Variants in PLAC1 observed in about 807,000 individuals in gnomAD.
PLAC1 encodes the protein placenta-specific protein 1.
For synonymous variants in PLAC1, 68 were observed against 62.1 expected (o/e 1.09, Z -0.44); for missense variants, 136 against 163.2 (o/e 0.83, Z 0.91).
intron 2 of PLAC1, among the ~76,000 whole-genome samples, chrX:134,584,514 C>T (rs2077990146): frequency 9.0e-6 from 1 of 110,781 alleles, no homozygotes; most frequent in Admixed American, 9.6e-5. Context: ...TGGATAAACA[C>T]GAGCATTGAA....
chrX:134,638,324 A>G (rs949067907), intron 1 of PLAC1, among the ~76,000 whole-genome samples: 1 of 112,247 alleles, frequency 8.9e-6, no homozygotes, highest in Non-Finnish European at 1.9e-5. Flanking sequence ...AAGACTTGCC[A>G]TTTAGACTAA....
intron 1 of PLAC1, among the ~76,000 whole-genome samples, chrX:134,648,458 G>T (rs951203193): frequency 8.9e-6 from 1 of 112,094 alleles, no homozygotes; most frequent in Non-Finnish European, 1.9e-5. Context: ...GGCCGAGGTG[G>T]GTGGATCACT....
At chrX:134,748,138 C>T (rs376228774) in intron 1 of PLAC1, among the ~76,000 whole-genome samples, 7 of 110,699 alleles carry the variant, frequency 6.3e-5, no homozygotes, top group Admixed American at 1.9e-4. Flanking sequence ...GAGACCAGCC[C>T]GGCCAACATG....
chrX:134,752,853 C>A (rs953055149), intron 1 of PLAC1, among the ~76,000 whole-genome samples: 6 of 111,174 alleles, frequency 5.4e-5, no homozygotes, highest in Admixed American at 4.8e-4. Flanking sequence ...AGTTATTTCA[C>A]AGTGATTTGT....
chrX:134,609,610 A>T (rs2078142584), intron 1 of PLAC1, among the ~76,000 whole-genome samples: 1 of 112,326 alleles, frequency 8.9e-6, no homozygotes, highest in African/African-American at 3.2e-5. Flanking sequence ...CCATAGCAAA[A>T]ATATATACAA....
intron 2 of PLAC1, among the ~76,000 whole-genome samples, chrX:134,587,495 C>T (rs971453964): frequency 3.6e-5 from 4 of 110,725 alleles, no homozygotes; most frequent in African/African-American, 9.9e-5. Flanking sequence ...CTGGGAGGAT[C>T]GCTTGAGCCT....
At chrX:134,615,176 C>T (rs981537256) in intron 1 of PLAC1, among the ~76,000 whole-genome samples, 1 of 112,181 alleles carries the variant, frequency 8.9e-6, no homozygotes, top group African/African-American at 3.2e-5. Context: ...TGGCTTTACT[C>T]ATTTACATTC....
At position 134,641,696 on chromosome X, in the gene PLAC1, G is replaced by A. The variant is rs144469227; in HGVS notation, c.-131+16632C>T. Among the ~76,000 whole-genome samples the A allele has an allele frequency of 4.0e-3, 445 of 111,801 alleles. 1 individual carries two copies. Among genetic ancestry groups the A allele is most frequent in the African/African-American group, 0.014 (431 of 30,729 alleles). Reference sequence around the variant, plus strand: ...GGCAGGAGCCAGCCCTGATGCTGATGGTGTTCCATGATTTGGGTATGCCTC... The same window carrying A: ...GGCAGGAGCCAGCCCTGATGCTGATAGTGTTCCATGATTTGGGTATGCCTC... On this transcript the variant is annotated intron_variant, in intron 1 of 2. Coordinates refer to ENST00000359237, the MANE Select transcript of PLAC1 (RefSeq NM_021796.4).
upstream of PLAC1, among the ~76,000 whole-genome samples, chrX:134,663,429 GAT>G (rs1491321310): frequency 1.3e-4 from 8 of 63,659 alleles, no homozygotes; most frequent in African/African-American, 3.9e-4. Flanking sequence ...TTAAAATAAA[GAT>G]ATGTGTGTGT....
At chrX:134,577,532 T>C (rs997911400) in intron 2 of PLAC1, among the ~76,000 whole-genome samples, 1 of 111,373 alleles carries the variant, frequency 9.0e-6, no homozygotes, top group African/African-American at 3.3e-5. Context: ...CCACTAAAAA[T>C]GCAAAAATTA....
chrX:134,657,553 A>C (rs186575403), intron 1 of PLAC1, among the ~76,000 whole-genome samples: 66 of 112,272 alleles, frequency 5.9e-4, no homozygotes, highest in South Asian at 1.5e-3. Flanking sequence ...TATTGATAGA[A>C]AGAAGGACAA....
chrX:134,620,277 CCAACT>C (rs1422816997), intron 1 of PLAC1, among the ~76,000 whole-genome samples: 1 of 112,383 alleles, frequency 8.9e-6, no homozygotes, highest in Non-Finnish European at 1.9e-5. Context: ...TAGTTCCTTG[CCAACT>C]AGAGGTCCCA....
At chrX:134,763,344 CT>C (rs2078775496) in intron 1 of PLAC1, among the ~76,000 whole-genome samples, 1 of 112,135 alleles carries the variant, frequency 8.9e-6, no homozygotes, top group South Asian at 3.7e-4. Context: ...GCTCCTTTCT[CT>C]GAGGGCTGCA....
chrX:134,653,235 G>A (rs2078372834), intron 1 of PLAC1, among the ~76,000 whole-genome samples: 1 of 111,847 alleles, frequency 8.9e-6, no homozygotes, highest in African/African-American at 3.3e-5. Context: ...GTGGCTCAGG[G>A]GCCATGTTGG....
chrX:134,762,205 C>G (rs1021043380), intron 1 of PLAC1, among the ~76,000 whole-genome samples: 3 of 108,185 alleles, frequency 2.8e-5, no homozygotes, highest in East Asian at 2.9e-4. Flanking sequence ...CACCCCCCCC[C>G]CAATGACCAC....
At chrX:134,591,108 A>G (rs1379409940) in intron 2 of PLAC1, among the ~76,000 whole-genome samples, 1 of 111,445 alleles carries the variant, frequency 9.0e-6, no homozygotes, top group Non-Finnish European at 1.9e-5. Context: ...GCCACTACCA[A>G]CCATCACCCT....
chrX:134,735,658 A>AAGAGAGAGAGAGAGAG (rs369034725), intron 1 of PLAC1, among the ~76,000 whole-genome samples: 2 of 105,827 alleles, frequency 1.9e-5, no homozygotes, highest in Non-Finnish European at 3.9e-5. Context: ...AAGAGAGAGG[A>AAGAGAGAGAGAGAGAG]AGAGAGAGAG....
chrX:134,662,267 A>G (rs1216077893), upstream of PLAC1, among the ~76,000 whole-genome samples: 1 of 111,822 alleles, frequency 8.9e-6, no homozygotes, highest in Non-Finnish European at 1.9e-5. Context: ...CAAAGCTAAT[A>G]CATATGCGAA....
In PLAC1 at chrX:134,616,544, G is replaced by T. The variant is rs777229459; in HGVS notation, c.-130-14422C>A. ...CCAGCTACTCAGGAGGCTGAGGCAG[G>T]AGAATGGTGTGAACCCGGGAGGCAG... On this transcript the variant is annotated intron_variant, in intron 1 of 2. Coordinates refer to ENST00000359237, the MANE Select transcript of PLAC1 (RefSeq NM_021796.4). Among the ~76,000 whole-genome samples the T allele has an allele frequency of 8.4e-3, 921 of 109,461 alleles. 6 individuals carry two copies. Among genetic ancestry groups the T allele is most frequent in the African/African-American group, 0.029 (879 of 30,127 alleles).
Sources: gnomAD v4.1 joint callset for allele counts (sites outside exome capture counted in the v4.1 genomes callset) on GRCh38, gnomAD v4.1.1 for gene constraint, MANE v1.5 for transcripts, NCBI Gene and HGNC (gene_info 2026-07-23, HGNC 2026-07-21) for gene names.